CCDC13: variants seen among roughly 807,000 people sequenced by gnomAD.
The protein encoded by CCDC13 is coiled-coil domain containing 13.
Under a neutral mutation model 87.3 loss-of-function variants are expected in CCDC13, and 70 were observed. That is an observed-to-expected ratio of 0.80 (90% CI 0.66 to 0.98). The LOEUF is 0.98. CCDC13 is among the 50% of genes least tolerant of loss of function. The pLI, the probability that CCDC13 is intolerant of heterozygous loss-of-function variation, is 0.00. For missense variants in CCDC13, 842 were observed against 892.0 expected (o/e 0.94, Z 0.71); for synonymous variants, 317 against 360.3 (o/e 0.88, Z 1.36).
At chr3:42,747,534 G>A (rs1699446840) in intron 5 of CCDC13, among the ~76,000 whole-genome samples, 161 bp from the exon 6 acceptor site, 1 of 152,222 alleles carries the variant, frequency 6.6e-6, no homozygotes, top group African/African-American at 2.4e-5. Flanking sequence ...AGGTTCTCTT[G>A]TAAGCCCCTT....
intron 10 of CCDC13, among the ~76,000 whole-genome samples, chr3:42,734,807 C>CCCA (rs1261484196): frequency 6.6e-6 from 1 of 152,230 alleles, no homozygotes; most frequent in Non-Finnish European, 1.5e-5. Context: ...ACCACCCAGC[C>CCCA]CCACCACCAC....
chr3:42,716,750 G>A (rs1477353219), intron 13 of CCDC13, among the ~76,000 whole-genome samples: 1 of 152,214 alleles, frequency 6.6e-6, no homozygotes, highest in Non-Finnish European at 1.5e-5. Context: ...CTATAAAGTG[G>A]TGCAGCCATT....
Position 42,752,020 on chromosome 3 carries a change from C to G in CCDC13, c.519G>C (p.Gln173His), listed in dbSNP as rs1221578920. 6.2e-7 allele frequency: 1 copy of G among 1,605,788 alleles called. No individual in the cohort carries two copies. Residue 173 changes from glutamine (Q) to histidine (H), a missense_variant, in exon 5 of 16, where the codon CAG becomes CAC. Gln to His is a conservative substitution (Grantham distance 24). Transcript: ENST00000310232. ...NRIQELEREL[Q>H]TALTRLSAKG... is the part of the protein sequence containing the mutation. ...TGGCTGACAGCCTGGTCAGGGCTGT[C>G]TGCAGCTGAAAAAGCAAACCTCGTG...
Position 42,748,076 on chromosome 3 carries a change from CT to C in CCDC13, c.604-704del, listed in dbSNP as rs200249855. Among the ~76,000 whole-genome samples, 1,400 of 145,572 alleles carry C rather than the reference CT, an allele frequency of 9.6e-3. 11 individuals are homozygous for C. Among genetic ancestry groups the C allele is most frequent in the East Asian group, 0.029 (145 of 4,994 alleles). ...TGCCTGCTGAAACTCTTAGCAATGT[CT>C]TTTTTTTTTTTAACCCAATGTTTTA... On this transcript the variant is annotated intron_variant, in intron 5 of 15. Coordinates refer to ENST00000310232, the MANE Select transcript of CCDC13 (RefSeq NM_144719.4).
chr3:42,766,041 C>T (rs1351425764), intron 1 of CCDC13, among the ~76,000 whole-genome samples: 1 of 152,006 alleles, frequency 6.6e-6, no homozygotes, highest in Non-Finnish European at 1.5e-5. Flanking sequence ...AAAACTGTAG[C>T]AGTGGAGATG....
chr3:42,731,474 A>G (rs1698829489), intron 12 of CCDC13, among the ~76,000 whole-genome samples: 1 of 151,770 alleles, frequency 6.6e-6, no homozygotes. Flanking sequence ...TGCTACTACA[A>G]GTGGTCTCTG....
In CCDC13 at chr3:42,752,567, C is replaced by T; in HGVS notation, c.513+8G>A. The stretch of plus-strand genomic sequence containing the variant: ...CCCTCCAGAGGGAGAATGACCAAGG[C>T]CCCTCACTTCCCGCTCCAGCTCCTG... On this transcript the variant is annotated splice_region_variant and intron_variant, in intron 4 of 15. Coordinates refer to ENST00000310232, the MANE Select transcript of CCDC13 (RefSeq NM_144719.4). The T allele has an allele frequency of 1.2e-6, 2 of 1,614,104 alleles. No homozygotes were observed.
chr3:42,772,779 A>T lies in CCDC13; in HGVS notation c.-7+397T>A, dbSNP rs772500550. On this transcript the variant is annotated intron_variant, in intron 1 of 15. Transcript: ENST00000310232. ...CTGGGCCTGGAAGGGGAACTGGGAGATGCGGAAGTGCACGCCGTCGGGTCG... is the reference window on the plus strand; with the variant it reads ...CTGGGCCTGGAAGGGGAACTGGGAGTTGCGGAAGTGCACGCCGTCGGGTCG... 3.3e-5 allele frequency among the ~76,000 whole-genome samples: 5 copies of T among 152,016 alleles called. 1 individual carries two copies. Among genetic ancestry groups the T allele is most frequent in the African/African-American group, 4.8e-5 (2 of 41,378 alleles).
chr3:42,747,000 G>A (rs113782187), intron 6 of CCDC13: 14,570 of 585,142 alleles, frequency 0.025, 257 homozygotes, highest in Non-Finnish European at 0.035. Context: ...TCTAGAGCTG[G>A]GCAGGCACCA....
intron 1 of CCDC13, among the ~76,000 whole-genome samples, chr3:42,765,508 C>A (rs1559664678): frequency 1.3e-5 from 2 of 152,300 alleles, no homozygotes; most frequent in South Asian, 4.1e-4. Context: ...TGGGTTCAAG[C>A]GATTCTCCTG....
intron 1 of CCDC13, among the ~76,000 whole-genome samples, chr3:42,765,975 G>C (rs147783900): frequency 2.0e-5 from 3 of 152,220 alleles, no homozygotes; most frequent in African/African-American, 4.8e-5. Flanking sequence ...CTGCAGAGCT[G>C]GAGGCAAAGG....
chr3:42,726,870 AG>A (rs1405283311), intron 13 of CCDC13, among the ~76,000 whole-genome samples: 2 of 152,160 alleles, frequency 1.3e-5, no homozygotes, highest in African/African-American at 4.8e-5. Flanking sequence ...AAAGACAAAG[AG>A]AATAATCTGA....
chr3:42,709,072 C>G lies in CCDC13; in HGVS notation c.2056G>C (p.Glu686Gln), dbSNP rs371391816. The G allele has an allele frequency of 2.8e-5, 45 of 1,614,048 alleles. No individual in the cohort carries two copies. Among genetic ancestry groups the G allele is most frequent in the Middle Eastern group, 1.7e-4 (1 of 6,058 alleles). Reference sequence around the variant, plus strand: ...TCATGGTACATCCGGAAGTCCTCCTCCTTTCCCCGCAGGGCACTGCCCAGG... The same window carrying G: ...TCATGGTACATCCGGAAGTCCTCCTGCTTTCCCCGCAGGGCACTGCCCAGG... ...AALGSALRGK[E>Q]EDFRMYHEIL... The change falls in exon 16 of 16, where the codon GAG becomes CAG. Residue 686 changes from glutamate (E) to glutamine (Q), a missense_variant. Glu to Gln is a conservative substitution (Grantham distance 29, BLOSUM62 2). Coordinates refer to ENST00000310232, the MANE Select transcript of CCDC13 (RefSeq NM_144719.4).
At chr3:42,771,582 A>G (rs1700109392) in intron 1 of CCDC13, among the ~76,000 whole-genome samples, 1 of 152,098 alleles carries the variant, frequency 6.6e-6, no homozygotes, top group Admixed American at 6.5e-5. Flanking sequence ...TAGCAAGACC[A>G]TAGCTTTACA....
intron 1 of CCDC13, among the ~76,000 whole-genome samples, chr3:42,770,095 G>A (rs1300544119): frequency 1.3e-5 from 2 of 152,250 alleles, no homozygotes; most frequent in African/African-American, 4.8e-5. Flanking sequence ...GGGCCCTGGT[G>A]CAGGATCCAC....
chr3:42,714,519 C>T (rs560828060), intron 13 of CCDC13, among the ~76,000 whole-genome samples: 1 of 152,256 alleles, frequency 6.6e-6, no homozygotes, highest in East Asian at 1.9e-4. Context: ...TTGTTTAATC[C>T]CACTGGAGCT....
intron 3 of CCDC13, among the ~76,000 whole-genome samples, chr3:42,754,903 A>C (rs1258429593): frequency 6.6e-6 from 1 of 152,180 alleles, no homozygotes; most frequent in Non-Finnish European, 1.5e-5. Flanking sequence ...ACCCCTTGAT[A>C]AATGGGGGCG....
intron 13 of CCDC13, among the ~76,000 whole-genome samples, chr3:42,724,919 C>T (rs1330043932): frequency 6.6e-6 from 1 of 151,348 alleles, no homozygotes; most frequent in Non-Finnish European, 1.5e-5. Flanking sequence ...TGAAGACAAA[C>T]ATACATAATA....
intron 1 of CCDC13, among the ~76,000 whole-genome samples, chr3:42,771,330 G>T (rs113121520): frequency 6.6e-6 from 1 of 152,306 alleles, no homozygotes; most frequent in African/African-American, 2.4e-5. Flanking sequence ...GGTTTCCAGG[G>T]GTTGGTGGGA....
Sources: gnomAD v4.1 joint callset for allele counts (sites outside exome capture counted in the v4.1 genomes callset) on GRCh38, gnomAD v4.1.1 for gene constraint, MANE v1.5 for transcripts, NCBI Gene and HGNC (gene_info 2026-07-23, HGNC 2026-07-21) for gene names.